The following DNAI7 variants were observed in gnomAD, a reference collection of about 807,000 sequenced individuals.
The protein encoded by DNAI7 is dynein axonemal intermediate chain 7.
DNAI7 carries 78 observed loss-of-function variants against 86.6 expected under a neutral mutation model. The ratio of observed to expected loss-of-function variants is 0.90; its 90% CI spans 0.75 to 1.09. The LOEUF (loss-of-function observed/expected upper bound fraction) is 1.09. Ranked by LOEUF, DNAI7 falls within the 50% of genes least tolerant of loss-of-function variation. DNAI7 has a pLI of 0.00. For synonymous variants in DNAI7, 274 were observed against 273.0 expected (o/e 1.00, Z -0.04); for missense variants, 753 against 810.2 (o/e 0.93, Z 0.86).
intron 10 of DNAI7, 145 bp from the exon 11 acceptor site, chr12:25,122,058 G>A: frequency 1.8e-6 from 1 of 571,182 alleles, no homozygotes. Flanking sequence ...AACTCAAAAT[G>A]ATTCATAGAG....
intron 9 of DNAI7, among the ~76,000 whole-genome samples, chr12:25,138,101 A>G (rs918102243): frequency 6.6e-6 from 1 of 152,190 alleles, no homozygotes; most frequent in African/African-American, 2.4e-5. Flanking sequence ...ACATTCTATT[A>G]TTCATCAGCT....
At chr12:25,120,263 T>C (rs1940984726) in intron 11 of DNAI7, among the ~76,000 whole-genome samples, 1 of 144,756 alleles carries the variant, frequency 6.9e-6, no homozygotes, top group African/African-American at 2.5e-5. Flanking sequence ...CAGCAATCTG[T>C]GTACAGGTGT....
intron 4 of DNAI7, among the ~76,000 whole-genome samples, chr12:25,157,203 G>T (rs11047866): frequency 1.3e-5 from 2 of 150,272 alleles, no homozygotes; most frequent in Admixed American, 6.6e-5. Context: ...GCGTGAACCC[G>T]GGAGGCGGAG....
chr12:25,170,326 G>A (rs1323177776), intron 2 of DNAI7, among the ~76,000 whole-genome samples: 1 of 151,930 alleles, frequency 6.6e-6, no homozygotes, highest in African/African-American at 2.4e-5. Context: ...AGGAGGCAGA[G>A]GTTGCAGTGA....
chr12:25,116,575 C>T (rs1940155890), intron 12 of DNAI7, among the ~76,000 whole-genome samples: 1 of 152,164 alleles, frequency 6.6e-6, no homozygotes, highest in Admixed American at 6.5e-5. Context: ...TCTCAGCTCG[C>T]TACACCCTCC....
At chr12:25,165,481 G>T (rs1463407346) in intron 2 of DNAI7, among the ~76,000 whole-genome samples, 1 of 152,224 alleles carries the variant, frequency 6.6e-6, no homozygotes. Context: ...TTCCTCCTAA[G>T]CTGTGTCCCA....
intron 9 of DNAI7, among the ~76,000 whole-genome samples, chr12:25,139,033 T>C (rs897070921): frequency 6.6e-6 from 1 of 151,892 alleles, no homozygotes; most frequent in Non-Finnish European, 1.5e-5. Flanking sequence ...ATACTACAAC[T>C]GATAGCACAG....
chr12:25,182,301 C>G (rs1019022887), intron 2 of DNAI7, among the ~76,000 whole-genome samples: 2 of 145,342 alleles, frequency 1.4e-5, no homozygotes, highest in Non-Finnish European at 3.0e-5. Context: ...GAGCCGAGAT[C>G]GCACCATTGC....
At chr12:25,150,331 G>A (rs762671825) in intron 6 of DNAI7, among the ~76,000 whole-genome samples, 4 of 152,034 alleles carry the variant, frequency 2.6e-5, no homozygotes, top group Non-Finnish European at 4.4e-5. Context: ...GAGGCCGGGC[G>A]CAGTGGCTCA....
intron 3 of DNAI7, 25 bp from the exon 4 acceptor site, chr12:25,158,588 T>C: frequency 1.9e-6 from 3 of 1,595,186 alleles, no homozygotes; most frequent in Non-Finnish European, 2.6e-6. Context: ...ATAATTTTTT[T>C]CTCAGTGAAT....
chr12:25,144,772 A>C (rs1343294757), intron 8 of DNAI7, 95 bp from the exon 9 acceptor site: 4 of 984,318 alleles, frequency 4.1e-6, no homozygotes, highest in Non-Finnish European at 5.9e-6. Context: ...TCTTCACTTT[A>C]ATTTTGCTCC....
intron 9 of DNAI7, 32 bp from the exon 10 acceptor site, chr12:25,123,318 TGTCA>T: frequency 7.0e-7 from 1 of 1,429,730 alleles, no homozygotes; most frequent in East Asian, 2.3e-5. Context: ...TGGGTGTGAT[TGTCA>T]GTGTCTACAT....
chr12:25,167,568 G>A (rs1947628074), intron 2 of DNAI7, among the ~76,000 whole-genome samples: 1 of 151,912 alleles, frequency 6.6e-6, no homozygotes, highest in South Asian at 2.1e-4. Context: ...TCCCTCCTTA[G>A]CGAACAACCG....
At chr12:25,173,896 ATACCAC>A (rs1465741253) in intron 2 of DNAI7, among the ~76,000 whole-genome samples, 3 of 145,592 alleles carry the variant, frequency 2.1e-5, no homozygotes, top group Non-Finnish European at 4.5e-5. Flanking sequence ...ATTCATATAT[ATACCAC>A]ATCATATATA....
At chr12:25,183,633 G>T (rs1183650573) in intron 2 of DNAI7, among the ~76,000 whole-genome samples, 3 of 151,160 alleles carry the variant, frequency 2.0e-5, no homozygotes, top group Non-Finnish European at 4.4e-5. Flanking sequence ...TAGAGATGGG[G>T]TCTATGTTGT....
chr12:25,194,972 G>T, intron 1 of DNAI7, 104 bp downstream of exon 1: 1 of 1,614,218 alleles, frequency 6.2e-7, no homozygotes, highest in Middle Eastern at 1.6e-4. Flanking sequence ...AAACCGACCC[G>T]CTTCGCTGTA....
intron 9 of DNAI7, among the ~76,000 whole-genome samples, chr12:25,135,077 C>T (rs970109097): frequency 1.1e-4 from 17 of 152,188 alleles, no homozygotes; most frequent in South Asian, 2.1e-4. Flanking sequence ...ACCAGGAAAA[C>T]GGAAATAATT....
chr12:25,147,483 C>CCCCT (rs765651980), intron 7 of DNAI7, among the ~76,000 whole-genome samples: 1 of 150,124 alleles, frequency 6.7e-6, no homozygotes, highest in South Asian at 2.1e-4. Context: ...GAGACCACCC[C>CCCCT]CATCTCTACA....
intron 1 of DNAI7, among the ~76,000 whole-genome samples, chr12:25,194,401 T>C (rs1429476642): frequency 1.3e-5 from 2 of 152,240 alleles, no homozygotes; most frequent in Admixed American, 1.3e-4. Flanking sequence ...TCCACATTTT[T>C]CCCTTAATTA....
Sources: gnomAD v4.1 joint callset for allele counts (sites outside exome capture counted in the v4.1 genomes callset) on GRCh38, gnomAD v4.1.1 for gene constraint, MANE v1.5 for transcripts, NCBI Gene and HGNC (gene_info 2026-07-23, HGNC 2026-07-21) for gene names.